PROM2: variants seen among roughly 807,000 people sequenced by gnomAD.
The protein encoded by PROM2 is prominin-2.
A neutral mutation model predicts 110.2 loss-of-function variants in PROM2; 90 were observed. The ratio of observed to expected loss-of-function variants is 0.82; its 90% confidence interval spans 0.69 to 0.97. The LOEUF (loss-of-function observed/expected upper bound fraction) is 0.97, where lower values mean the gene tolerates loss of function less well. Among genes scored for constraint, PROM2 ranks in the 50% least tolerant of loss-of-function variants. PROM2 has a pLI of 0.00. For missense variants in PROM2, 1,009 were observed against 1,074.8 expected (o/e 0.94, Z 0.86); for synonymous variants, 470 against 467.8 (o/e 1.00, Z -0.06).
In PROM2 at chr2:95,281,260, C is replaced by A; in HGVS notation, c.1446C>A (p.Phe482Leu). Reference protein sequence around the residue: ...RFLMAGVGLSFLFAAPLILLV... With the variant: ...RFLMAGVGLSLLFAAPLILLV... Reference sequence around the variant, plus strand: ...ACCCCAGAGGTGTGGGCCTCAGCTTCCTCTTTGCTGCACCCCTCATCCTCC... The same window carrying A: ...ACCCCAGAGGTGTGGGCCTCAGCTTACTCTTTGCTGCACCCCTCATCCTCC... Residue 482 changes from phenylalanine to leucine, a missense_variant, in exon 12 of 24, where the codon TTC becomes TTA. Coordinates refer to ENST00000317620, the MANE Select transcript of PROM2 (RefSeq NM_001165978.3). The A allele has an allele frequency of 6.2e-7, 1 of 1,613,196 alleles. No homozygotes were observed. Among genetic ancestry groups the A allele is most frequent in the Non-Finnish European group, 8.5e-7 (1 of 1,179,986 alleles).
chr2:95,285,943 G>A (rs979435216), intron 16 of PROM2, among the ~76,000 whole-genome samples: 12 of 152,172 alleles, frequency 7.9e-5, no homozygotes, highest in Non-Finnish European at 1.0e-4. Flanking sequence ...TCTCTGAGCC[G>A]GAGGTTCTTC....
intron 8 of PROM2, chr2:95,278,489 G>A (rs368546684): frequency 7.6e-5 from 46 of 606,286 alleles, no homozygotes; most frequent in East Asian, 2.2e-4. Flanking sequence ...AGAGTTCACT[G>A]CAATGGTGGG....
At chr2:95,281,704 C>T (rs1002454867) in intron 12 of PROM2, among the ~76,000 whole-genome samples, 16 of 152,228 alleles carry the variant, frequency 1.1e-4, no homozygotes, top group Non-Finnish European at 1.8e-4. Flanking sequence ...TGCAGAAGAT[C>T]GGGCTGGGCA....
In PROM2 at chr2:95,275,847, T is replaced by G; in HGVS notation, c.295-83T>G. On this transcript the variant is annotated intron_variant, in intron 2 of 23. Transcript: ENST00000317620. This position sits in a 1 kb window ranked among gnomAD's most constrained non-coding sequence, Gnocchi z 4.4. ...TGCCCCTGACGGCACTCCCGCCCCTTCTGGTTTCCCTCTGGACTCAGGCAG... is the reference window on the plus strand; with the variant it reads ...TGCCCCTGACGGCACTCCCGCCCCTGCTGGTTTCCCTCTGGACTCAGGCAG... 6.5e-7 allele frequency: 1 copy of G among 1,540,938 alleles called. No homozygotes were observed. Among genetic ancestry groups the G allele is most frequent in the Non-Finnish European group, 8.7e-7 (1 of 1,146,598 alleles).
intron 11 of PROM2, among the ~76,000 whole-genome samples, chr2:95,280,473 C>T (rs753225462): frequency 6.6e-6 from 1 of 152,224 alleles, no homozygotes; most frequent in African/African-American, 2.4e-5. Flanking sequence ...CTTCGAGCCC[C>T]CTGGTCTAAG....
Position 95,274,566 on chromosome 2 carries a change from C to T in PROM2, c.-20C>T. 4 of 1,552,632 alleles carry T rather than the reference C, an allele frequency of 2.6e-6. No homozygotes were observed. The highest frequency in any genetic ancestry group is 2.6e-6 in the Non-Finnish European group (3 of 1,147,082). ...TTGTCTGTTCCCTCCTGAGCCTGAG[C>T]CCCTTACCTTCCTGACCCCATGAAG... On this transcript the variant is annotated 5_prime_UTR_variant, in exon 1 of 24. Coordinates refer to ENST00000317620, the MANE Select transcript of PROM2 (RefSeq NM_001165978.3).
intron 1 of PROM2, 27 bp downstream of exon 1, chr2:95,274,856 C>T: frequency 6.6e-7 from 1 of 1,512,466 alleles, no homozygotes; most frequent in Non-Finnish European, 8.9e-7. Context: ...CCCATGAGGG[C>T]CTCAGCATTT....
rs1415242309 is a variant in PROM2 at position 95,286,725 on chromosome 2, A to C, written c.2041-79A>C. Reference sequence around the variant, plus strand: ...CCTCCTCTCCCCTCCCCTCCCCTCCACTCCCCTCCACTTTCCTCCCCTCTC... The same window carrying C: ...CCTCCTCTCCCCTCCCCTCCCCTCCCCTCCCCTCCACTTTCCTCCCCTCTC... On this transcript the variant is annotated intron_variant, in intron 17 of 23. Coordinates refer to ENST00000317620, the MANE Select transcript of PROM2 (RefSeq NM_001165978.3). 1.7e-3 allele frequency: 635 copies of C among 371,648 alleles called. 5 individuals carry two copies. The East Asian group carries it at 0.063, about 37-fold the overall frequency. 23.0% of individuals were successfully genotyped at this position (371,648 alleles called of 1,614,324 possible).
chr2:95,275,415 A>G lies in PROM2; in HGVS notation c.245-46A>G, dbSNP rs1460917651. On this transcript the variant is annotated intron_variant, in intron 1 of 23. Coordinates refer to ENST00000317620, the MANE Select transcript of PROM2 (RefSeq NM_001165978.3). This position sits in a 1 kb window ranked among gnomAD's most constrained non-coding sequence, Gnocchi z 4.4. ...GTGGGGAGAGGAGGGACACAGGGGC[A>G]GGGCAGTGGCTGTCCCCAAATCCTC... The G allele has an allele frequency of 1.3e-6, 2 of 1,568,026 alleles. No individual in the cohort carries two copies. The highest frequency in any genetic ancestry group is 1.2e-5 in the South Asian group (1 of 84,754).
intron 16 of PROM2, among the ~76,000 whole-genome samples, chr2:95,286,012 C>A (rs528999326): frequency 7.9e-5 from 12 of 152,220 alleles, no homozygotes; most frequent in Non-Finnish European, 1.6e-4. Flanking sequence ...TCTGGCCTCA[C>A]GCAGTTGGGC....
rs1165555695 is a variant in PROM2 at position 95,287,449 on chromosome 2, C to T, written c.2229C>T (p.Ala743=). The T allele has an allele frequency of 1.9e-6, 3 of 1,613,924 alleles. No individual in the cohort carries two copies. The highest frequency in any genetic ancestry group is 1.3e-5 in the African/African-American group (1 of 74,906). ...REMGYFSQYV[A]WVREEVTQRI... ...TGGGCTACTTCTCCCAGTACGTGGC[C>T]TGGGTGAGAGAGGAGGTGAGTGGGG... The change falls in exon 20 of 24, where the codon GCC becomes GCT. Residue 743 remains alanine, a synonymous_variant. Coordinates refer to ENST00000317620, the MANE Select transcript of PROM2 (RefSeq NM_001165978.3).
intron 14 of PROM2, among the ~76,000 whole-genome samples, chr2:95,284,749 A>G (rs1677244733): frequency 6.6e-6 from 1 of 152,320 alleles, no homozygotes. Context: ...ATCACATGGC[A>G]ATGGCACTAA....
Position 95,275,404 on chromosome 2 carries a change from G to A in PROM2, c.245-57G>A, listed in dbSNP as rs1676586814. 2.0e-6 allele frequency: 3 copies of A among 1,532,724 alleles called. No individual in the cohort carries two copies. The highest frequency in any genetic ancestry group is 2.7e-6 in the Non-Finnish European group (3 of 1,124,562). 94.9% of individuals were successfully genotyped at this position (1,532,724 alleles called of 1,614,324 possible). ...TTGCCCTGGCAGTGGGGAGAGGAGG[G>A]ACACAGGGGCAGGGCAGTGGCTGTC... On this transcript the variant is annotated intron_variant, in intron 1 of 23. Coordinates refer to ENST00000317620, the MANE Select transcript of PROM2 (RefSeq NM_001165978.3). The surrounding 1 kb of genome is among the most constrained non-coding windows in gnomAD (Gnocchi z 4.4).
chr2:95,274,965 C>A, intron 1 of PROM2, 136 bp downstream of exon 1: 1 of 1,179,794 alleles, frequency 8.5e-7, no homozygotes, highest in Non-Finnish European at 1.1e-6. Context: ...GGCGGAGGAT[C>A]TGGGGAGGGC....
At chr2:95,280,522 G>A (rs1006908068) in intron 11 of PROM2, among the ~76,000 whole-genome samples, 8 of 152,202 alleles carry the variant, frequency 5.3e-5, no homozygotes, top group African/African-American at 1.2e-4. Context: ...CTGCCCTGTC[G>A]GCAGGTCATG....
intron 7 of PROM2, 159 bp from the exon 8 acceptor site, chr2:95,277,771 A>T: frequency 2.6e-6 from 2 of 775,662 alleles, no homozygotes; most frequent in Non-Finnish European, 2.1e-6. Flanking sequence ...GAGCTCCTTG[A>T]GTTCTTGCTG....
chr2:95,275,248 G>T lies in PROM2; in HGVS notation c.245-213G>T, dbSNP rs1676576983. Among the ~76,000 whole-genome samples the T allele has an allele frequency of 6.6e-6, 1 of 152,242 alleles. No individual in the cohort carries two copies. ...TGACCTGTAGGGTCCAGGAGGAGAGGTCTGCAGCCTCCTCTCTGCTCGCCC... is the reference window on the plus strand; with the variant it reads ...TGACCTGTAGGGTCCAGGAGGAGAGTTCTGCAGCCTCCTCTCTGCTCGCCC... On this transcript the variant is annotated intron_variant, in intron 1 of 23. Coordinates refer to ENST00000317620, the MANE Select transcript of PROM2 (RefSeq NM_001165978.3). This position sits in a 1 kb window ranked among gnomAD's most constrained non-coding sequence, Gnocchi z 4.4.
chr2:95,286,836 G>A lies in PROM2; in HGVS notation c.2073G>A (p.Glu691=). 6.2e-7 allele frequency: 1 copy of A among 1,613,862 alleles called. No homozygotes were observed. The highest frequency in any genetic ancestry group is 8.5e-7 in the Non-Finnish European group (1 of 1,179,994). The change falls in exon 18 of 24, where the codon GAG becomes GAA. Residue 691 remains glutamate (E), a synonymous_variant. Coordinates refer to ENST00000317620, the MANE Select transcript of PROM2 (RefSeq NM_001165978.3). The part of the protein sequence containing the change: ...AKLNLSVRAL[E]SSAPNLQLET... ...TCAACCTCAGCGTCAGGGCCCTGGA[G>A]TCCTCTGCCCCGAATCTCCAGGTGG...
chr2:95,288,595 G>C lies in PROM2; in HGVS notation c.2441+6G>C. On this transcript the variant is annotated splice_donor_region_variant and intron_variant, in intron 22 of 23. Transcript: ENST00000317620. ...CCTATCCGGAAACGCCTCAGGTGAG[G>C]GGCTGCCAGGGCTGCAGGCAGCATC... 1 of 1,609,492 alleles carries C rather than the reference G, an allele frequency of 6.2e-7. No individual in the cohort carries two copies. The highest frequency in any genetic ancestry group is 8.5e-7 in the Non-Finnish European group (1 of 1,176,364).
Sources: gnomAD v4.1 joint callset for allele counts (sites outside exome capture counted in the v4.1 genomes callset) on GRCh38, gnomAD v4.1.1 for gene constraint, Gnocchi (gnomAD v3.1) non-coding constraint, MANE v1.5 for transcripts, NCBI Gene and HGNC (gene_info 2026-07-23, HGNC 2026-07-21) for gene names.